Variants in TTC28 observed in about 807,000 individuals in gnomAD.
TTC28 encodes the protein tetratricopeptide repeat domain 28, also known as tetratricopeptide repeat protein 28.
Under a neutral mutation model 198.0 loss-of-function variants are expected in TTC28, and 61 were observed. That is an observed-to-expected ratio of 0.31 (90% confidence interval 0.25 to 0.38). The LOEUF is 0.38. Ranked by LOEUF, TTC28 falls within the 10% of genes least tolerant of loss-of-function variation. TTC28 has a pLI of 1.00. For synonymous variants in TTC28, 1,171 were observed against 1,297.8 expected (o/e 0.90, Z 2.10); for missense variants, 2,678 against 3,164.0 (o/e 0.85, Z 3.69).
At chr22:28,590,175 T>C (rs1196269322) in intron 2 of TTC28, among the ~76,000 whole-genome samples, 1 of 149,234 alleles carries the variant, frequency 6.7e-6, no homozygotes, top group Non-Finnish European at 1.5e-5. Flanking sequence ...TCGCCCAGGC[T>C]GGAGTGCAGC....
intron 19 of TTC28, among the ~76,000 whole-genome samples, chr22:27,992,191 A>G (rs1289074797): frequency 6.6e-6 from 1 of 152,154 alleles, no homozygotes; most frequent in Non-Finnish European, 1.5e-5. Context: ...CTGGATGCTC[A>G]GCACATATGA....
At chr22:28,441,597 T>C (rs912851075) in intron 2 of TTC28, among the ~76,000 whole-genome samples, 2 of 152,208 alleles carry the variant, frequency 1.3e-5, no homozygotes, top group Non-Finnish European at 2.9e-5. Flanking sequence ...ACCTTTCAAT[T>C]CGCCAGGCTA....
intron 2 of TTC28, among the ~76,000 whole-genome samples, chr22:28,423,021 T>G (rs2047286231): frequency 6.6e-6 from 1 of 152,148 alleles, no homozygotes. Flanking sequence ...ATACATACCA[T>G]GTATCTGTCA....
At chr22:28,339,754 G>C (rs931638725) in intron 2 of TTC28, among the ~76,000 whole-genome samples, 23 of 152,154 alleles carry the variant, frequency 1.5e-4, no homozygotes, top group Non-Finnish European at 1.5e-5. Context: ...GTAGTATTAC[G>C]GTGGGAGTGA....
chr22:28,091,972 G>A (rs984405729), intron 12 of TTC28, among the ~76,000 whole-genome samples: 1 of 152,114 alleles, frequency 6.6e-6, no homozygotes, highest in African/African-American at 2.4e-5. Context: ...AGGATGAGGA[G>A]AATTAAGCTG....
chr22:28,272,377 G>A (rs1932145686), intron 5 of TTC28, among the ~76,000 whole-genome samples: 2 of 152,146 alleles, frequency 1.3e-5, no homozygotes, highest in African/African-American at 2.4e-5. Context: ...CAGTGTAAAA[G>A]CCAATGGACT....
At chr22:28,162,495 C>T (rs748515516) in intron 6 of TTC28, among the ~76,000 whole-genome samples, 12 of 152,130 alleles carry the variant, frequency 7.9e-5, no homozygotes, top group Non-Finnish European at 1.3e-4. Context: ...CATTTCATGC[C>T]TCTTCTCTCT....
intron 2 of TTC28, among the ~76,000 whole-genome samples, chr22:28,628,479 T>G (rs777402201): frequency 6.6e-6 from 1 of 152,226 alleles, no homozygotes; most frequent in Non-Finnish European, 1.5e-5. Context: ...TAAAATCTAC[T>G]CTTAGCAATT....
chr22:28,277,698 A>C (rs1303590978), intron 5 of TTC28, among the ~76,000 whole-genome samples: 1 of 152,244 alleles, frequency 6.6e-6, no homozygotes, highest in African/African-American at 2.4e-5. Context: ...TTAGAAAACC[A>C]TAAGTATAAC....
chr22:28,629,937 T>C, intron 1 of TTC28, 107 bp from the exon 2 acceptor site: 1 of 1,020,770 alleles, frequency 9.8e-7, no homozygotes, highest in East Asian at 2.6e-5. Context: ...TAAAATGTGA[T>C]CCCCAGTATT....
intron 8 of TTC28, among the ~76,000 whole-genome samples, chr22:28,102,312 C>T (rs959152706): frequency 5.3e-5 from 8 of 152,130 alleles, no homozygotes; most frequent in African/African-American, 1.4e-4. Flanking sequence ...TTTGATGTGC[C>T]TCAGCGGGGT....
chr22:28,072,143 T>C (rs1333578548), intron 12 of TTC28, among the ~76,000 whole-genome samples: 1 of 152,176 alleles, frequency 6.6e-6, no homozygotes, highest in Non-Finnish European at 1.5e-5. Context: ...TAGAGAAATG[T>C]AAGAAATAAC....
intron 2 of TTC28, among the ~76,000 whole-genome samples, chr22:28,315,693 T>G (rs1397544964): frequency 6.6e-6 from 1 of 152,190 alleles, no homozygotes; most frequent in African/African-American, 2.4e-5. Flanking sequence ...CAGTTGTTCA[T>G]AGTTGTGTGG....
At chr22:28,432,342 TAGC>T (rs1261507588) in intron 2 of TTC28, among the ~76,000 whole-genome samples, 6 of 151,710 alleles carry the variant, frequency 4.0e-5, no homozygotes, top group African/African-American at 7.2e-5. Flanking sequence ...ATAAAATAAA[TAGC>T]AGTAAAATGT....
chr22:28,654,215 A>G (rs929294679), intron 1 of TTC28, among the ~76,000 whole-genome samples: 6 of 152,232 alleles, frequency 3.9e-5, no homozygotes, highest in Non-Finnish European at 5.9e-5. Flanking sequence ...CAGCAATCTA[A>G]TAAGTCCTTA....
chr22:28,328,781 AATAATAATAATAATAATAAT>A (rs1174848314), intron 2 of TTC28, among the ~76,000 whole-genome samples: 3 of 147,166 alleles, frequency 2.0e-5, no homozygotes, highest in African/African-American at 7.4e-5. Flanking sequence ...TAATAATAAT[AATAATAATAATAATAATAAT>A]AATATGTTCT....
intron 2 of TTC28, among the ~76,000 whole-genome samples, chr22:28,505,805 A>C (rs1047910222): frequency 1.3e-5 from 2 of 152,204 alleles, no homozygotes; most frequent in Admixed American, 1.3e-4. Context: ...CTTCCACGGC[A>C]CGTCACTGGA....
intron 5 of TTC28, among the ~76,000 whole-genome samples, chr22:28,211,904 A>G (rs1927001275): frequency 6.6e-6 from 1 of 152,178 alleles, no homozygotes; most frequent in South Asian, 2.1e-4. Context: ...CAGCAAATGT[A>G]AAGAACAGAA....
chr22:28,309,849 C>T (rs144312434), intron 2 of TTC28, among the ~76,000 whole-genome samples: 7 of 152,052 alleles, frequency 4.6e-5, no homozygotes, highest in Non-Finnish European at 7.4e-5. Context: ...CACCTATACC[C>T]TAAGTACAAT....
Sources: gnomAD v4.1 joint callset for allele counts (sites outside exome capture counted in the v4.1 genomes callset) on GRCh38, gnomAD v4.1.1 for gene constraint, MANE v1.5 for transcripts, NCBI Gene and HGNC (gene_info 2026-07-23, HGNC 2026-07-21) for gene names.